CLPTM1L: variants seen among roughly 807,000 people sequenced by gnomAD.
The protein encoded by CLPTM1L is CLPTM1 like, also known as lipid scramblase CLPTM1L.
A neutral mutation model predicts 70.9 loss-of-function variants in CLPTM1L; 38 were observed. The ratio of observed to expected loss-of-function variants is 0.54; its 90% CI spans 0.41 to 0.70. The LOEUF (loss-of-function observed/expected upper bound fraction) is 0.70, where lower values mean the gene tolerates loss of function less well. CLPTM1L is among the 30% of genes least tolerant of loss of function. The pLI is 0.00. For synonymous variants in CLPTM1L, 339 were observed against 299.9 expected (o/e 1.13, Z -1.35); for missense variants, 652 against 705.9 (o/e 0.92, Z 0.87).
chr5:1,328,827 G>GCATCCAGCTCCTCCTCTACAAACACATTT (rs1752847215), intron 9 of CLPTM1L, among the ~76,000 whole-genome samples: 3 of 56,198 alleles, frequency 5.3e-5, no homozygotes, highest in African/African-American at 2.6e-4. Context: ...CAGACACATT[G>GCATCCAGCTCCTCCTCTACAAACACATTT]CATCCAGCTC....
intron 9 of CLPTM1L, chr5:1,326,269 G>A (rs1393766583): frequency 2.8e-5 from 7 of 251,596 alleles, no homozygotes; most frequent in Admixed American, 1.6e-4. Flanking sequence ...ACCTATGGAG[G>A]GACCCTGCCT....
intron 9 of CLPTM1L, among the ~76,000 whole-genome samples, chr5:1,328,475 C>T (rs1358895764): frequency 6.7e-6 from 1 of 149,482 alleles, no homozygotes; most frequent in Non-Finnish European, 1.5e-5. Flanking sequence ...TCTGCAGACA[C>T]ATTCCATCCA....
chr5:1,330,321 G>A lies in CLPTM1L; in HGVS notation c.1039C>T (p.Leu347=), dbSNP rs895169150. ...ACACCCGCCGGGACCAGCACCAGCA[G>A]GCTCGTCTGCTCGTCCAGCAGGAAC... ...FLFLLDEQTS[L]LVLVPAGVGA... is the part of the protein sequence containing the mutation. The change falls in exon 9 of 17, where the codon CTG becomes TTG. Residue 347 remains leucine (L), a synonymous_variant. Transcript: ENST00000320895. 5 of 1,612,730 alleles carry A rather than the reference G, an allele frequency of 3.1e-6. No homozygotes were observed. The African/African-American group carries it at 6.7e-5, about 22-fold the overall frequency.
At position 1,321,270 on chromosome 5, in the gene CLPTM1L, C is replaced by T. The variant is rs1377762729; in HGVS notation, c.1416+365G>A. On this transcript the variant is annotated intron_variant, in intron 15 of 16. Transcript: ENST00000320895. ...CAGCTCTGCCAGCGGGGAATGGCCA[C>T]GGCCCATGGGGGCTTCCATTCCTGC... Among the ~76,000 whole-genome samples the T allele has an allele frequency of 2.0e-5, 3 of 152,276 alleles. No homozygotes were observed. The East Asian group carries it at 5.8e-4, about 29-fold the overall frequency.
chr5:1,330,687 T>G, intron 8 of CLPTM1L: 1 of 394,118 alleles, frequency 2.5e-6, no homozygotes, highest in Non-Finnish European at 4.6e-6. Flanking sequence ...CAGCACAGCT[T>G]TGCTTCCGGG....
intron 2 of CLPTM1L, 151 bp downstream of exon 2, chr5:1,344,200 A>T: frequency 4.6e-6 from 3 of 653,446 alleles, no homozygotes; most frequent in Non-Finnish European, 8.4e-6. Context: ...GGCCACGCAT[A>T]GGCCTCCAGT....
chr5:1,340,617 G>A (rs1753879150), intron 3 of CLPTM1L, among the ~76,000 whole-genome samples: 1 of 152,182 alleles, frequency 6.6e-6, no homozygotes, highest in African/African-American at 2.4e-5. Context: ...GAGGGGACAC[G>A]GAGAGGGGCA....
chr5:1,321,078 G>A (rs1313748117), intron 15 of CLPTM1L, among the ~76,000 whole-genome samples: 3 of 152,212 alleles, frequency 2.0e-5, no homozygotes, highest in East Asian at 1.9e-4. Flanking sequence ...AGAGCCGCCC[G>A]AGACCACAGC....
At chr5:1,344,485 C>T in intron 1 of CLPTM1L, 34 bp from the exon 2 acceptor site, 2 of 1,584,114 alleles carry the variant, frequency 1.3e-6, no homozygotes, top group Non-Finnish European at 1.7e-6. Context: ...GTCAGCTCGG[C>T]CAGGCCCTGG....
intron 13 of CLPTM1L, 193 bp downstream of exon 13, chr5:1,322,684 T>A (rs1752226308): frequency 1.5e-6 from 1 of 658,788 alleles, no homozygotes; most frequent in Non-Finnish European, 2.7e-6. Context: ...GTCACTGTTG[T>A]GAAGCCACGC....
intron 3 of CLPTM1L, 117 bp downstream of exon 3, chr5:1,341,554 G>T: frequency 1.2e-6 from 1 of 818,912 alleles, no homozygotes; most frequent in Non-Finnish European, 1.9e-6. Context: ...ATGGCTTTTG[G>T]CTTTACTCCC....
At chr5:1,334,976 GC>G (rs948341472) in intron 6 of CLPTM1L, 80 bp downstream of exon 6, 1 of 1,033,546 alleles carries the variant, frequency 9.7e-7, no homozygotes, top group African/African-American at 1.6e-5. Flanking sequence ...GGAGGCCCCG[GC>G]CTGTGTCAGG....
intron 16 of CLPTM1L, 169 bp downstream of exon 16, chr5:1,320,447 G>A (rs1311833519): frequency 4.1e-6 from 2 of 488,502 alleles, no homozygotes; most frequent in East Asian, 3.4e-5. Flanking sequence ...ACATATCATG[G>A]GCAACTGGAA....
intron 8 of CLPTM1L, chr5:1,330,611 C>T: frequency 1.9e-6 from 1 of 533,432 alleles, no homozygotes; most frequent in South Asian, 2.7e-5. Context: ...ACCAGCTCCA[C>T]AAACACGTGT....
At chr5:1,333,431 A>C (rs1267434775) in intron 7 of CLPTM1L, among the ~76,000 whole-genome samples, 18 of 54,028 alleles carry the variant, frequency 3.3e-4, no homozygotes, top group Non-Finnish European at 5.4e-4. Context: ...GATGAGGATA[A>C]GGGGGGACTA....
intron 9 of CLPTM1L, among the ~76,000 whole-genome samples, chr5:1,327,431 T>G (rs565561309): frequency 1.9e-4 from 27 of 145,184 alleles, no homozygotes; most frequent in Admixed American, 1.8e-3. Flanking sequence ...TACAGACATA[T>G]TTCATCCAGC....
intron 2 of CLPTM1L, among the ~76,000 whole-genome samples, chr5:1,343,415 C>A (rs1045743080): frequency 1.3e-5 from 2 of 152,218 alleles, no homozygotes; most frequent in African/African-American, 4.8e-5. Context: ...CAGGCTGACA[C>A]TGTGCCAGGT....
chr5:1,332,518 C>G (rs368711342), intron 7 of CLPTM1L, among the ~76,000 whole-genome samples: 1 of 152,360 alleles, frequency 6.6e-6, no homozygotes, highest in Admixed American at 6.5e-5. Context: ...GAACCAGTGC[C>G]GGCCGCACTC....
Position 1,338,876 on chromosome 5 carries a change from G to A in CLPTM1L, c.583C>T (p.His195Tyr), listed in dbSNP as rs1388036506. The change falls in exon 4 of 17, where the codon CAT (histidine) becomes TAT (tyrosine). Residue 195 changes from histidine (H) to tyrosine (Y), a missense_variant. His to Tyr is a moderately conservative substitution (Grantham distance 83). Around this residue, in one of 3 missense-constraint regions of CLPTM1L, gnomAD observed 402 missense variants for 388.2 expected, o/e 1.04. Coordinates refer to ENST00000320895, the MANE Select transcript of CLPTM1L (RefSeq NM_030782.5). ...FDGSSLPADV[H>Y]RYMKMIQLGK... ...CCCACTTACATCTTCATGTACCGAT[G>A]CACATCGGCAGGCAGGGAGGACCCG... The A allele has an allele frequency of 6.2e-7, 1 of 1,613,314 alleles. No homozygotes were observed. Among genetic ancestry groups the A allele is most frequent in the East Asian group, 2.2e-5 (1 of 44,884 alleles).
Sources: allele counts gnomAD v4.1 joint callset (sites outside exome capture counted in the v4.1 genomes callset), GRCh38; gene constraint gnomAD v4.1.1; regional missense constraint gnomAD v4.1.1; transcripts MANE v1.5; gene names NCBI Gene and HGNC (gene_info 2026-07-23, HGNC 2026-07-21).